The following RANBP2 variants were observed in gnomAD, a reference collection of about 807,000 sequenced individuals.
RANBP2 encodes the protein RAN binding protein 2, also known as E3 SUMO-protein ligase RanBP2.
In RANBP2, 57 loss-of-function variants were observed where a neutral mutation model predicts 303.6. That is an observed-to-expected ratio of 0.19 (90% CI 0.15 to 0.23). The LOEUF (loss-of-function observed/expected upper bound fraction) is 0.23, where lower values mean the gene tolerates loss of function less well. RANBP2 is among the 10% of genes least tolerant of loss of function. The probability of loss-of-function intolerance (pLI) is 1.00; values close to 1 mark genes in which losing one functional copy is unlikely to be tolerated. For synonymous variants in RANBP2, 1,167 were observed against 1,301.5 expected (o/e 0.90, Z 2.23); for missense variants, 3,138 against 3,780.8 (o/e 0.83, Z 4.46).
At chr2:108,943,703 T>A in the RANBP2 span, among the ~76,000 whole-genome samples, 140 of 152,234 alleles carry the variant, frequency 9.2e-4, 1 homozygote, top group African/African-American at 3.2e-3. Context: ...TTCTTGGCTC[T>A]TTCTTGGTGG....
At chr2:108,961,396 GAGGC>G in the RANBP2 span, among the ~76,000 whole-genome samples, 2 of 152,140 alleles carry the variant, frequency 1.3e-5, no homozygotes, top group Non-Finnish European at 2.9e-5. Context: ...ACCACCAGTG[GAGGC>G]AGGCAGGGAG....
chr2:109,159,138 G>T, the RANBP2 span, among the ~76,000 whole-genome samples: 12 of 112,648 alleles, frequency 1.1e-4, no homozygotes, highest in Admixed American at 3.5e-4. Context: ...ACAAAAAGGT[G>T]CCCTTACACA....
chr2:109,223,325 C>T, the RANBP2 span, among the ~76,000 whole-genome samples: 1 of 152,330 alleles, frequency 6.6e-6, no homozygotes, highest in East Asian at 1.9e-4. Context: ...GGTGTGTTTC[C>T]CAGAGCCGAC....
At chr2:109,249,536 C>CTTTCTTTTTCTTTCTTTCT in the RANBP2 span, among the ~76,000 whole-genome samples, 73 of 74,094 alleles carry the variant, frequency 9.9e-4, no homozygotes, top group Non-Finnish European at 1.4e-3. Flanking sequence ...TCTTTCTTTC[C>CTTTCTTTTTCTTTCTTTCT]TTCCTTCCTT....
chr2:109,460,251 A>G, the RANBP2 span, among the ~76,000 whole-genome samples: 95 of 152,246 alleles, frequency 6.2e-4, no homozygotes, highest in African/African-American at 2.2e-3. Context: ...AGACAAATCC[A>G]TATCTAGAGT....
At chr2:109,679,620 G>A in the RANBP2 span, among the ~76,000 whole-genome samples, 1 of 152,246 alleles carries the variant, frequency 6.6e-6, no homozygotes, top group Admixed American at 6.5e-5. Flanking sequence ...GTAATCTCTG[G>A]TTACTTGGCT....
At chr2:109,448,375 G>A in the RANBP2 span, among the ~76,000 whole-genome samples, 2 of 152,246 alleles carry the variant, frequency 1.3e-5, no homozygotes, top group Non-Finnish European at 2.9e-5. Context: ...TCCATGGTCT[G>A]TTAGGAACTG....
chr2:109,006,772 C>A, the RANBP2 span, among the ~76,000 whole-genome samples: 1 of 152,360 alleles, frequency 6.6e-6, no homozygotes, highest in Middle Eastern at 3.4e-3. Context: ...GCATCCCAGG[C>A]ACTGCCCGTC....
the RANBP2 span, among the ~76,000 whole-genome samples, chr2:109,023,683 C>T: frequency 1.3e-5 from 2 of 152,098 alleles, no homozygotes; most frequent in Non-Finnish European, 2.9e-5. Flanking sequence ...AGTGTGTATA[C>T]CTATAGTCCT....
the RANBP2 span, among the ~76,000 whole-genome samples, chr2:108,899,711 C>A: frequency 2.6e-5 from 4 of 152,184 alleles, no homozygotes; most frequent in Non-Finnish European, 5.9e-5. Flanking sequence ...TAAGGCTGGG[C>A]ACGGTGGCTC....
At chr2:108,934,037 G>A in the RANBP2 span, among the ~76,000 whole-genome samples, 1 of 152,142 alleles carries the variant, frequency 6.6e-6, no homozygotes, top group Non-Finnish European at 1.5e-5. Flanking sequence ...GAGCCTCGGA[G>A]GGCTTCCCTG....
the RANBP2 span, among the ~76,000 whole-genome samples, chr2:108,866,283 T>C: frequency 6.6e-6 from 1 of 152,208 alleles, no homozygotes; most frequent in Non-Finnish European, 1.5e-5. Context: ...AGTTAGACCC[T>C]GTGAAGTGAT....
the RANBP2 span, among the ~76,000 whole-genome samples, chr2:109,629,326 T>G: frequency 1.3e-4 from 1 of 7,568 alleles, no homozygotes; most frequent in Non-Finnish European, 3.6e-4. Flanking sequence ...TATATATATA[T>G]ATATATATAT....
chr2:109,242,910 G>A, the RANBP2 span, among the ~76,000 whole-genome samples: 1 of 152,200 alleles, frequency 6.6e-6, no homozygotes, highest in Non-Finnish European at 1.5e-5. Context: ...TCACAGAACA[G>A]CATTAGGAAA....
the RANBP2 span, chr2:109,732,744 A>G: frequency 1.4e-6 from 1 of 714,296 alleles, no homozygotes; most frequent in Admixed American, 1.8e-5. Flanking sequence ...TATGCAGGCA[A>G]TCTTGGAAAC....
At chr2:108,987,250 A>G in the RANBP2 span, among the ~76,000 whole-genome samples, 1 of 152,254 alleles carries the variant, frequency 6.6e-6, no homozygotes, top group Non-Finnish European at 1.5e-5. Flanking sequence ...TTGGACCCAG[A>G]AAGGAGCGTC....
chr2:109,018,862 C>T, the RANBP2 span, among the ~76,000 whole-genome samples: 1 of 152,228 alleles, frequency 6.6e-6, no homozygotes, highest in African/African-American at 2.4e-5. Context: ...ATTTCTTTCC[C>T]AGTAAAGTTC....
At chr2:108,943,507 G>A in the RANBP2 span, among the ~76,000 whole-genome samples, 1 of 152,206 alleles carries the variant, frequency 6.6e-6, no homozygotes, top group East Asian at 1.9e-4. Context: ...CGAAGCCCTG[G>A]ACAAACTTTT....
chr2:109,122,863 C>G, the RANBP2 span, among the ~76,000 whole-genome samples: 1 of 152,174 alleles, frequency 6.6e-6, no homozygotes, highest in South Asian at 2.1e-4. Context: ...AGAGGGAGAC[C>G]CTGTTTCTTT....
Sources: gnomAD v4.1 joint callset for allele counts (sites outside exome capture counted in the v4.1 genomes callset) on GRCh38, gnomAD v4.1.1 for gene constraint, MANE v1.5 for transcripts, NCBI Gene and HGNC (gene_info 2026-07-23, HGNC 2026-07-21) for gene names.